FANCD2: variants seen among roughly 807,000 people sequenced by gnomAD.
The protein encoded by FANCD2 is Fanconi anemia group D2 protein.
FANCD2 carries 131 observed loss-of-function variants against 192.3 expected under a neutral mutation model. The ratio of observed to expected loss-of-function variants is 0.68; its 90% confidence interval spans 0.59 to 0.79. FANCD2 has a LOEUF of 0.79. Among genes scored for constraint, FANCD2 ranks in the 30% least tolerant of loss-of-function variants. The pLI is 0.00. For synonymous variants in FANCD2, 524 were observed against 612.5 expected (o/e 0.86, Z 2.13); for missense variants, 1,508 against 1,701.6 (o/e 0.89, Z 2.00).
chr3:10,067,050 ATTT>A (rs1318351081), intron 25 of FANCD2, among the ~76,000 whole-genome samples, 156 bp from the exon 26 acceptor site: 1 of 151,858 alleles, frequency 6.6e-6, no homozygotes, highest in South Asian at 2.1e-4. Flanking sequence ...TGGGCCAGAG[ATTT>A]TTTTTCTGTA....
intron 7 of FANCD2, chr3:10,037,472 T>C (rs2086760576): frequency 6.6e-6 from 1 of 152,198 alleles, no homozygotes; most frequent in Admixed American, 6.5e-5. Context: ...AGATTTTGCA[T>C]ACCCTTTAAT....
chr3:10,101,133 A>G, intron 43 of FANCD2, 55 bp from the exon 44 acceptor site: 2 of 1,326,112 alleles, frequency 1.5e-6, no homozygotes, highest in East Asian at 2.3e-5. Flanking sequence ...TGTATTCCAG[A>G]GGTCACCCAG....
rs1276545164 is a variant in FANCD2, at chr3:10,039,281, A to G, written c.494A>G (p.Lys165Arg). ...EKLPEYFFEN[K>R]NSDEINIPRL... ...GTTTTCTCTTCCTAACATTTTAGCA[A>G]GAACAGTGATGAAATCAACATACCT... is the stretch of plus-strand genomic sequence containing the variant. The change falls in exon 8 of 44, where the codon AAG becomes AGG. Residue 165 changes from lysine to arginine, a missense_variant and splice_region_variant. Transcript: ENST00000675286. The G allele has an allele frequency of 6.2e-7, 1 of 1,612,816 alleles. No homozygotes were observed.
At chr3:10,093,750 T>C (rs996763161) in intron 39 of FANCD2, among the ~76,000 whole-genome samples, 4 of 152,178 alleles carry the variant, frequency 2.6e-5, no homozygotes, top group Admixed American at 6.6e-5. Context: ...CTAGATTTGA[T>C]GGGAAGTCCA....
intron 18 of FANCD2, chr3:10,057,849 C>A (rs2087458967): frequency 5.5e-6 from 1 of 182,658 alleles, no homozygotes; most frequent in Admixed American, 6.1e-5. Context: ...TGAGGACCAC[C>A]CAACAAGATA....
chr3:10,083,895 A>G (rs1023667569), intron 32 of FANCD2, among the ~76,000 whole-genome samples: 1 of 150,952 alleles, frequency 6.6e-6, no homozygotes, highest in Non-Finnish European at 1.5e-5. Flanking sequence ...CTCAAAAAAA[A>G]AAAAAAAAAA....
intron 42 of FANCD2, 66 bp downstream of exon 42, chr3:10,096,538 T>A (rs1694977957): frequency 1.3e-6 from 2 of 1,502,220 alleles, no homozygotes; most frequent in Non-Finnish European, 1.9e-6. Flanking sequence ...TCAGATGGCA[T>A]GTAAGGAAGG....
chr3:10,041,775 C>A, intron 10 of FANCD2, 65 bp downstream of exon 10: 1 of 1,038,976 alleles, frequency 9.6e-7, no homozygotes, highest in South Asian at 1.3e-5. Context: ...AAGTGTCAGT[C>A]AGTCATTGCC....
In FANCD2 at chr3:10,043,504, G is replaced by T; in HGVS notation, c.1010G>T (p.Ser337Ile). Residue 337 changes from serine to isoleucine, a missense_variant, in exon 13 of 44, where the codon AGC (serine) becomes ATC (isoleucine). Coordinates refer to ENST00000675286, the MANE Select transcript of FANCD2 (RefSeq NM_001018115.3). ...TGTAGTTCCTCAGGAAATCAAGAAAGCAGCGGTCAGAGCTGTATTATTCTC... is the reference window on the plus strand; with the variant it reads ...TGTAGTTCCTCAGGAAATCAAGAAATCAGCGGTCAGAGCTGTATTATTCTC... ...GRASSSGNQE[S>I]SGQSCIILLF... 1.2e-6 allele frequency: 2 copies of T among 1,613,774 alleles called. No homozygotes were observed. The highest frequency in any genetic ancestry group is 1.7e-6 in the Non-Finnish European group (2 of 1,179,730).
At chr3:10,074,169 C>T (rs1486448296) in intron 28 of FANCD2, among the ~76,000 whole-genome samples, 1 of 152,190 alleles carries the variant, frequency 6.6e-6, no homozygotes, top group Non-Finnish European at 1.5e-5. Flanking sequence ...AGGTCTCAAA[C>T]TCCTGACCTC....
Position 10,048,066 on chromosome 3 carries a change from T to G in FANCD2, c.1413+15T>G. ...ACTGCCAGCAGGTATGTTGAAACAT[T>G]TATTTTGGCAAGGAGGGAACACAGA... is the stretch of plus-strand genomic sequence containing the variant. On this transcript the variant is annotated intron_variant, in intron 16 of 43. Transcript: ENST00000675286. 6.2e-7 allele frequency: 1 copy of G among 1,614,216 alleles called. No homozygotes were observed. The highest frequency in any genetic ancestry group is 8.5e-7 in the Non-Finnish European group (1 of 1,180,046).
intron 33 of FANCD2, among the ~76,000 whole-genome samples, chr3:10,086,144 C>T (rs989180585): frequency 6.6e-6 from 1 of 152,174 alleles, no homozygotes. Flanking sequence ...ATGCATCAGC[C>T]CATAAACTCA....
At chr3:10,078,630 G>A (rs113688266) in intron 30 of FANCD2, among the ~76,000 whole-genome samples, 34,046 of 150,584 alleles carry the variant, frequency 0.23, 4,979 homozygotes, top group African/African-American at 0.42. Flanking sequence ...CTGGGATTAC[G>A]GGCATGAGCC....
At chr3:10,043,795 A>G (rs536811951) in intron 13 of FANCD2, 34 bp from the exon 14 acceptor site, 34 of 1,606,450 alleles carry the variant, frequency 2.1e-5, no homozygotes, top group Non-Finnish European at 2.6e-5. Context: ...CTGATGTGTC[A>G]TAATATTTTT....
intron 2 of FANCD2, among the ~76,000 whole-genome samples, chr3:10,031,530 G>A (rs1333859829): frequency 2.0e-5 from 3 of 151,286 alleles, no homozygotes; most frequent in African/African-American, 2.4e-5. Context: ...AAGAGGGAGA[G>A]GAATTGAAGA....
Position 10,098,236 on chromosome 3 carries a change from T to C in FANCD2, c.4186-484T>C, listed in dbSNP as rs567884981. 1.6e-4 allele frequency among the ~76,000 whole-genome samples: 24 copies of C among 152,320 alleles called. No homozygotes were observed. In the South Asian group the frequency reaches 4.6e-3, roughly 29 times the overall value. On this transcript the variant is annotated intron_variant, in intron 42 of 43. Transcript: ENST00000675286. The stretch of plus-strand genomic sequence containing the variant: ...AAAATTGAAGCTCAGAGAAGTTAAG[T>C]AATTTACCTAATGTCATTCAACAGT...
rs1384557303 is a variant in FANCD2 at position 10,043,817 on chromosome 3, C to A, written c.1099-12C>A. ...GTCATAATATTTTTGTGACTCTCTCCTGTTTTTTCAGGCAATTGAAAACAC... is the reference window on the plus strand; with the variant it reads ...GTCATAATATTTTTGTGACTCTCTCATGTTTTTTCAGGCAATTGAAAACAC... On this transcript the variant is annotated splice_polypyrimidine_tract_variant and intron_variant, in intron 13 of 43. Coordinates refer to ENST00000675286, the MANE Select transcript of FANCD2 (RefSeq NM_001018115.3). 9 of 1,613,264 alleles carry A rather than the reference C, an allele frequency of 5.6e-6. No homozygotes were observed. Among genetic ancestry groups the A allele is most frequent in the Non-Finnish European group, 5.9e-6 (7 of 1,179,248 alleles).
chr3:10,065,013 G>T, intron 23 of FANCD2, 138 bp downstream of exon 23: 1 of 878,822 alleles, frequency 1.1e-6, no homozygotes, highest in Non-Finnish European at 1.8e-6. Flanking sequence ...GGAGAATGGG[G>T]CAGATTCCTT....
chr3:10,095,904 C>CG (rs1694928045), intron 41 of FANCD2, among the ~76,000 whole-genome samples: 1 of 123,712 alleles, frequency 8.1e-6, no homozygotes, highest in African/African-American at 3.4e-5. Context: ...TTTTTTGAGA[C>CG]GGAGTCTCGC....
Sources: gnomAD v4.1 joint callset for allele counts (sites outside exome capture counted in the v4.1 genomes callset) on GRCh38, gnomAD v4.1.1 for gene constraint, MANE v1.5 for transcripts, NCBI Gene and HGNC (gene_info 2026-07-23, HGNC 2026-07-21) for gene names.